Variants in ARHGEF7 observed in about 807,000 individuals in gnomAD.
The protein encoded by ARHGEF7 is Rho guanine nucleotide exchange factor 7.
A neutral mutation model predicts 109.8 loss-of-function variants in ARHGEF7; 33 were observed. That is an observed-to-expected ratio of 0.30 (90% CI 0.23 to 0.40). ARHGEF7 has a LOEUF of 0.40. Among genes scored for constraint, ARHGEF7 ranks in the 10% least tolerant of loss-of-function variants. The pLI is 1.00. For synonymous variants in ARHGEF7, 458 were observed against 424.6 expected (o/e 1.08, Z -0.97); for missense variants, 938 against 1,098.5 (o/e 0.85, Z 2.07).
intron 2 of ARHGEF7, among the ~76,000 whole-genome samples, chr13:111,164,673 A>C (rs184526507): frequency 6.6e-6 from 1 of 152,210 alleles, no homozygotes; most frequent in Non-Finnish European, 1.5e-5. Flanking sequence ...CTGAGTGCCT[A>C]TTATGGCCTA....
chr13:111,275,822 C>A, intron 12 of ARHGEF7, 144 bp downstream of exon 12: 2 of 1,036,170 alleles, frequency 1.9e-6, no homozygotes, highest in Non-Finnish European at 2.9e-6. Flanking sequence ...TTATTCTTGA[C>A]ACAGGAGAGA....
At chr13:111,114,792 GAGAGTCGGTTCCT>G (rs2066638080), upstream of ARHGEF7, 1 of 152,244 alleles carries the variant, frequency 6.6e-6, no homozygotes, top group African/African-American at 2.4e-5. Context: ...CCGCGCTCCG[GAGAGTCGGTTCCT>G]CCCGATTCAG....
Position 111,303,206 on chromosome 13 carries a change from A to C in ARHGEF7, c.*93A>C. 1.6e-5 allele frequency: 7 copies of C among 435,516 alleles called. No individual in the cohort carries two copies. The highest frequency in any genetic ancestry group is 6.5e-5 in the East Asian group (1 of 15,472). The allele number at this position is 435,516 out of a possible 1,614,324, so 27.0% of individuals were successfully genotyped here. A position where few individuals can be genotyped will look rare whatever the true frequency, so the allele number is the denominator to read the frequency against. ...CGGGGTGCACTCAGGACCACAGGGCAGGGCTGGGTGGGGCGCCACCTTGCT... is the reference window on the plus strand; with the variant it reads ...CGGGGTGCACTCAGGACCACAGGGCCGGGCTGGGTGGGGCGCCACCTTGCT... On this transcript the variant is annotated 3_prime_UTR_variant, in exon 22 of 22. Coordinates refer to ENST00000646102, the MANE Select transcript of ARHGEF7 (RefSeq NM_001354046.2).
chr13:111,212,470 T>G (rs1332405341), intron 4 of ARHGEF7, among the ~76,000 whole-genome samples: 1 of 152,228 alleles, frequency 6.6e-6, no homozygotes, highest in Non-Finnish European at 1.5e-5. Flanking sequence ...ACTGCTGTGC[T>G]TTTAGTCTTC....
chr13:111,292,975 T>A, intron 19 of ARHGEF7: 1 of 985,574 alleles, frequency 1.0e-6, no homozygotes, highest in East Asian at 1.1e-4. Flanking sequence ...TGCTGCGTTG[T>A]GGCCGTGAAG....
chr13:111,251,963 C>T (rs1045933508), intron 8 of ARHGEF7, among the ~76,000 whole-genome samples: 3 of 152,140 alleles, frequency 2.0e-5, no homozygotes, highest in Non-Finnish European at 4.4e-5. Flanking sequence ...TTCCTTTATC[C>T]CCAAAAGGGA....
intron 1 of ARHGEF7, chr13:111,153,691 G>T (rs1448550074): frequency 7.8e-7 from 1 of 1,286,688 alleles, no homozygotes; most frequent in Non-Finnish European, 9.8e-7. Context: ...AAGGGGCAGA[G>T]ATTGGTGCAG....
At chr13:111,174,821 A>G (rs2153420453) in intron 2 of ARHGEF7, among the ~76,000 whole-genome samples, 1 of 151,974 alleles carries the variant, frequency 6.6e-6, no homozygotes, top group East Asian at 1.9e-4. Flanking sequence ...TGCAGCTCCT[A>G]GGAAGCAGTT....
intron 2 of ARHGEF7, among the ~76,000 whole-genome samples, chr13:111,198,951 C>T (rs767790385): frequency 3.9e-5 from 6 of 152,148 alleles, no homozygotes; most frequent in Non-Finnish European, 7.4e-5. Context: ...TAGCTGGACA[C>T]GGAGTGCTGA....
intron 4 of ARHGEF7, among the ~76,000 whole-genome samples, chr13:111,212,882 A>G (rs747696873): frequency 1.3e-5 from 2 of 152,228 alleles, no homozygotes; most frequent in African/African-American, 2.4e-5. Flanking sequence ...TTGGTGGAAT[A>G]TAAAGGCATT....
chr13:111,115,477 T>G lies in ARHGEF7; in HGVS notation c.-50T>G. On this transcript the variant is annotated 5_prime_UTR_variant, in exon 1 of 22. Transcript: ENST00000646102. ...CGGGGGCCGCGGGCCGGGCCGCCGC[T>G]CCGAGGTGAAGGCGCGCGCCCCTCC... 2.8e-6 allele frequency: 3 copies of G among 1,085,958 alleles called. No individual in the cohort carries two copies. Among genetic ancestry groups the G allele is most frequent in the African/African-American group, 1.7e-5 (1 of 57,718 alleles). The allele number at this position is 1,085,958 out of a possible 1,614,324, so 67.3% of individuals were successfully genotyped here.
chr13:111,133,338 A>C (rs1017635419), intron 1 of ARHGEF7, among the ~76,000 whole-genome samples: 4 of 152,184 alleles, frequency 2.6e-5, no homozygotes, highest in African/African-American at 9.7e-5. Flanking sequence ...ATGCAGACAT[A>C]CACATGCACA....
intron 5 of ARHGEF7, among the ~76,000 whole-genome samples, chr13:111,221,138 CAT>C (rs1223701745): frequency 9.7e-6 from 1 of 102,708 alleles, no homozygotes; most frequent in Non-Finnish European, 1.9e-5. Flanking sequence ...AACTCCCTTT[CAT>C]ATATATATAG....
At chr13:111,193,609 C>T (rs1447926462) in intron 2 of ARHGEF7, among the ~76,000 whole-genome samples, 3 of 152,200 alleles carry the variant, frequency 2.0e-5, no homozygotes, top group Non-Finnish European at 4.4e-5. Context: ...TATTCTTTTT[C>T]CCTTTCCCAA....
At chr13:111,212,273 G>T (rs985930879) in intron 4 of ARHGEF7, among the ~76,000 whole-genome samples, 1 of 152,054 alleles carries the variant, frequency 6.6e-6, no homozygotes, top group East Asian at 1.9e-4. Context: ...GAACAGTCAG[G>T]GGAGAGTTCT....
At chr13:111,289,198 A>AT (rs1399804118) in intron 18 of ARHGEF7, among the ~76,000 whole-genome samples, 1 of 151,892 alleles carries the variant, frequency 6.6e-6, no homozygotes, top group Non-Finnish European at 1.5e-5. Flanking sequence ...CGCCCGGCTA[A>AT]TTTTTTTGTG....
chr13:111,237,128 A>G (rs1270941160), intron 6 of ARHGEF7, among the ~76,000 whole-genome samples: 8 of 152,212 alleles, frequency 5.3e-5, no homozygotes. Context: ...CTTTTAGGCT[A>G]CCTAATGAGA....
At chr13:111,206,199 C>T (rs531301216) in intron 3 of ARHGEF7, among the ~76,000 whole-genome samples, 16 of 151,230 alleles carry the variant, frequency 1.1e-4, no homozygotes, top group Middle Eastern at 3.4e-3. Flanking sequence ...TTGATTTTGT[C>T]GGGGTCGCTT....
At chr13:111,221,617 T>C (rs2084394624) in intron 5 of ARHGEF7, among the ~76,000 whole-genome samples, 1 of 108,778 alleles carries the variant, frequency 9.2e-6, no homozygotes. Context: ...CTCCCCTTTA[T>C]ATGTATATAT....
Sources: allele counts gnomAD v4.1 joint callset (sites outside exome capture counted in the v4.1 genomes callset), GRCh38; gene constraint gnomAD v4.1.1; transcripts MANE v1.5; gene names NCBI Gene and HGNC (gene_info 2026-07-23, HGNC 2026-07-21).